SPPL3: variants seen among roughly 807,000 people sequenced by gnomAD.
SPPL3 encodes signal peptide peptidase-like 3.
Under a neutral mutation model 42.4 loss-of-function variants are expected in SPPL3, and 5 were observed. That is an observed-to-expected ratio of 0.12 (90% CI 0.06 to 0.25). SPPL3 has a LOEUF of 0.25. Ranked by LOEUF, SPPL3 falls within the 10% of genes least tolerant of loss-of-function variation. The pLI, the probability that SPPL3 is intolerant of heterozygous loss-of-function variation, is 1.00. For synonymous variants in SPPL3, 195 were observed against 181.8 expected (o/e 1.07, Z -0.58); for missense variants, 235 against 489.0 (o/e 0.48, Z 4.90).
chr12:120,903,737 C>CG (rs1874060685), intron 1 of SPPL3, 108 bp downstream of exon 1: 1 of 655,992 alleles, frequency 1.5e-6, no homozygotes, highest in Non-Finnish European at 2.3e-6. Flanking sequence ...CCCGCGCCCC[C>CG]CCCCCACGAC....
chr12:120,773,895 C>T (rs1017431355), intron 6 of SPPL3, among the ~76,000 whole-genome samples: 3 of 152,336 alleles, frequency 2.0e-5, no homozygotes, highest in African/African-American at 2.4e-5. Context: ...TGGGCCGCCG[C>T]GTCTGGCCCT....
Position 120,773,457 on chromosome 12 carries a change from C to G in SPPL3, c.503-4398G>C, listed in dbSNP as rs140470611. On this transcript the variant is annotated intron_variant, in intron 6 of 10. Coordinates refer to ENST00000353487, the MANE Select transcript of SPPL3 (RefSeq NM_139015.5). ...AAAGTAACAGAAGGCCTAGGATGGA[C>G]AGACGGGAGACAGGAGTCTGCGGGG... 1.6e-3 allele frequency among the ~76,000 whole-genome samples: 248 copies of G among 152,310 alleles called. 1 individual carries two copies. Among genetic ancestry groups the G allele is most frequent in the African/African-American group, 5.6e-3 (233 of 41,566 alleles).
chr12:120,772,886 C>A (rs1371085778), intron 6 of SPPL3, among the ~76,000 whole-genome samples: 1 of 152,204 alleles, frequency 6.6e-6, no homozygotes, highest in Non-Finnish European at 1.5e-5. Flanking sequence ...ACAGGGTGAG[C>A]TGCAGTGTGA....
intron 1 of SPPL3, among the ~76,000 whole-genome samples, chr12:120,856,320 T>C (rs938421178): frequency 1.0e-4 from 15 of 143,866 alleles, no homozygotes; most frequent in African/African-American, 3.4e-4. Flanking sequence ...GAGAAGGTTC[T>C]TTTTTTGTGG....
chr12:120,846,316 C>T (rs1872039382), intron 1 of SPPL3, among the ~76,000 whole-genome samples: 1 of 152,174 alleles, frequency 6.6e-6, no homozygotes, highest in South Asian at 2.1e-4. Context: ...AAATTCATTT[C>T]CAACACATGC....
intron 2 of SPPL3, among the ~76,000 whole-genome samples, chr12:120,792,877 T>C (rs1869968592): frequency 6.6e-6 from 1 of 152,098 alleles, no homozygotes; most frequent in Non-Finnish European, 1.5e-5. Context: ...AAACACATGG[T>C]AAATCTCTGT....
Position 120,777,553 on chromosome 12 carries a change from G to C in SPPL3, c.502+5102C>G, listed in dbSNP as rs539916619. On this transcript the variant is annotated intron_variant, in intron 6 of 10. Transcript: ENST00000353487. ...ACTTTATCACTCTTAATAATAACTA[G>C]TCCTTATAGAATCAGCACTTACCCA... Among the ~76,000 whole-genome samples, 7 of 152,138 alleles carry C rather than the reference G, an allele frequency of 4.6e-5. No individual in the cohort carries two copies. In the South Asian group the frequency reaches 1.2e-3, roughly 27 times the overall value.
At chr12:120,768,610 T>G in intron 7 of SPPL3, 122 bp from the exon 8 acceptor site, 1 of 1,152,002 alleles carries the variant, frequency 8.7e-7, no homozygotes, top group African/African-American at 1.5e-5. Flanking sequence ...TTTCGTTGAC[T>G]GTATGATTTG....
chr12:120,816,824 T>G (rs1870891892), intron 1 of SPPL3, among the ~76,000 whole-genome samples: 1 of 152,198 alleles, frequency 6.6e-6, no homozygotes, highest in Admixed American at 6.5e-5. Flanking sequence ...TCTCTCAAAT[T>G]GACTTCAATA....
chr12:120,870,640 C>G (rs1872892613), intron 1 of SPPL3, among the ~76,000 whole-genome samples: 2 of 151,864 alleles, frequency 1.3e-5, no homozygotes, highest in Admixed American at 6.6e-5. Flanking sequence ...TCAAATATTA[C>G]TCAGCTTTAA....
chr12:120,888,395 CA>C (rs1873530891), intron 1 of SPPL3, among the ~76,000 whole-genome samples: 1 of 151,846 alleles, frequency 6.6e-6, no homozygotes, highest in South Asian at 2.1e-4. Flanking sequence ...TCATAGCAGC[CA>C]AAATGCGGAA....
intron 2 of SPPL3, among the ~76,000 whole-genome samples, chr12:120,794,472 A>G (rs1387466129): frequency 6.6e-6 from 1 of 152,082 alleles, no homozygotes; most frequent in East Asian, 1.9e-4. Context: ...GTCTTGGCTT[A>G]CTGCAACCTC....
In SPPL3 at chr12:120,878,836, G is replaced by A. The variant is rs180977736; in HGVS notation, c.23+25009C>T. Among the ~76,000 whole-genome samples, 231 of 152,138 alleles carry A rather than the reference G, an allele frequency of 1.5e-3. 1 individual carries two copies. Among genetic ancestry groups the A allele is most frequent in the African/African-American group, 5.3e-3 (222 of 41,514 alleles). On this transcript the variant is annotated intron_variant, in intron 1 of 10. Transcript: ENST00000353487. Reference sequence around the variant, plus strand: ...GGGTTAAGAATAAGACGATAAGGCCGGGCGCAGTGGCTCATACCCGTAATC... The same window carrying A: ...GGGTTAAGAATAAGACGATAAGGCCAGGCGCAGTGGCTCATACCCGTAATC...
rs748258828 is a variant in SPPL3 at position 120,765,061 on chromosome 12, G to T, written c.1093C>A (p.Arg365=). The change falls in exon 11 of 11, where the codon CGG becomes AGG. Residue 365 remains arginine (R), a synonymous_variant. Coordinates refer to ENST00000353487, the MANE Select transcript of SPPL3 (RefSeq NM_139015.5). ...TGGAAAGGCTCAGACCACATCCGCC[G>T]GAGGTCGCCCTGGGAAACAAGGGAC... ...LTMAYLKGDL[R]RMWSEPFHSK... is the part of the protein sequence containing the mutation. 6.2e-7 allele frequency: 1 copy of T among 1,613,584 alleles called. No individual in the cohort carries two copies.
chr12:120,813,471 A>C (rs1566049209), intron 1 of SPPL3, among the ~76,000 whole-genome samples: 1 of 151,770 alleles, frequency 6.6e-6, no homozygotes, highest in South Asian at 2.1e-4. Context: ...GCGCCCCCCC[A>C]CCACGCCCAG....
chr12:120,900,923 C>CAAAAA (rs11432981), intron 1 of SPPL3, among the ~76,000 whole-genome samples: 4 of 101,496 alleles, frequency 3.9e-5, no homozygotes, highest in Non-Finnish European at 5.9e-5. Flanking sequence ...CCCTGTCTCA[C>CAAAAA]AAAAAAAAAA....
At chr12:120,873,970 A>G (rs1008432543) in intron 1 of SPPL3, among the ~76,000 whole-genome samples, 1 of 152,174 alleles carries the variant, frequency 6.6e-6, no homozygotes, top group Non-Finnish European at 1.5e-5. Flanking sequence ...AAAAAAGTCA[A>G]TATAAACTTC....
At chr12:120,845,452 C>T (rs1330655692) in intron 1 of SPPL3, 7 of 411,474 alleles carry the variant, frequency 1.7e-5, no homozygotes, top group African/African-American at 4.2e-5. Context: ...GAGCCGCCCA[C>T]GCCCCACACA....
At chr12:120,830,607 A>AGAGAG (rs1555251066) in intron 1 of SPPL3, among the ~76,000 whole-genome samples, 2 of 39,950 alleles carry the variant, frequency 5.0e-5, no homozygotes, top group African/African-American at 1.6e-4. Flanking sequence ...GAGAGAGAGA[A>AGAGAG]GGTGTACATG....
Sources: gnomAD v4.1 joint callset for allele counts (sites outside exome capture counted in the v4.1 genomes callset) on GRCh38, gnomAD v4.1.1 for gene constraint, MANE v1.5 for transcripts, NCBI Gene and HGNC (gene_info 2026-07-23, HGNC 2026-07-21) for gene names.